Variants in MICU2 observed in about 807,000 individuals in gnomAD.
The protein encoded by MICU2 is mitochondrial calcium uptake 2, also known as calcium uptake protein 2, mitochondrial.
In MICU2, 64 loss-of-function variants were observed where a neutral mutation model predicts 60.4. That is an observed-to-expected ratio of 1.06 (90% confidence interval 0.87 to 1.31). The LOEUF (loss-of-function observed/expected upper bound fraction) is 1.31, where lower values mean the gene tolerates loss of function less well. Among genes scored for constraint, MICU2 ranks in the 50% most tolerant of loss-of-function variants. MICU2 has a pLI of 0.00. For synonymous variants in MICU2, 201 were observed against 175.0 expected, an observed-to-expected ratio of 1.15 and a Z score of -1.17; for missense variants, 569 against 531.0, an observed-to-expected ratio of 1.07 and a Z score of -0.70.
chr13:21,567,719 T>C (rs1181645573), intron 1 of MICU2, among the ~76,000 whole-genome samples: 1 of 152,196 alleles, frequency 6.6e-6, no homozygotes, highest in Non-Finnish European at 1.5e-5. Flanking sequence ...CAAAGAACTT[T>C]TTGTTGAGCA....
intron 6 of MICU2, among the ~76,000 whole-genome samples, chr13:21,515,143 A>T (rs1341103168): frequency 6.7e-6 from 1 of 149,636 alleles, no homozygotes; most frequent in Non-Finnish European, 1.5e-5. Context: ...GTGCAGTGGC[A>T]CGATCCCGGC....
At chr13:21,553,793 C>A (rs1403361822) in intron 2 of MICU2, among the ~76,000 whole-genome samples, 1 of 152,116 alleles carries the variant, frequency 6.6e-6, no homozygotes, top group Non-Finnish European at 1.5e-5. Context: ...ACCCGTCTCA[C>A]ATGCAGAGAC....
intron 6 of MICU2, 135 bp downstream of exon 6, chr13:21,521,110 T>G: frequency 1.4e-6 from 1 of 729,686 alleles, no homozygotes; most frequent in Non-Finnish European, 2.3e-6. Context: ...TTTAATATTT[T>G]TGAATGTCCA....
At chr13:21,501,748 C>T (rs1353600674) in intron 9 of MICU2, among the ~76,000 whole-genome samples, 1 of 152,136 alleles carries the variant, frequency 6.6e-6, no homozygotes, top group Non-Finnish European at 1.5e-5. Context: ...GTTTCCAGGC[C>T]AAAACATTTA....
At chr13:21,554,162 C>T (rs1442697192) in intron 2 of MICU2, among the ~76,000 whole-genome samples, 1 of 152,188 alleles carries the variant, frequency 6.6e-6, no homozygotes, top group East Asian at 1.9e-4. Flanking sequence ...GAATTGAACT[C>T]AGCTCTGCAC....
intron 9 of MICU2, among the ~76,000 whole-genome samples, chr13:21,501,504 T>C (rs146552027): frequency 0.024 from 3,671 of 152,246 alleles, 153 homozygotes; most frequent in African/African-American, 0.082. Flanking sequence ...CCTCATGATC[T>C]GCCCGCCTTG....
chr13:21,586,125 G>A (rs1326444817), intron 1 of MICU2, among the ~76,000 whole-genome samples: 1 of 152,080 alleles, frequency 6.6e-6, no homozygotes, highest in African/African-American at 2.4e-5. Context: ...CAGCTCTCAT[G>A]GTTCAGTTTC....
intron 6 of MICU2, among the ~76,000 whole-genome samples, chr13:21,514,949 A>G (rs112552972): frequency 3.9e-5 from 6 of 152,316 alleles, no homozygotes; most frequent in African/African-American, 1.4e-4. Context: ...TTCTACTAAG[A>G]AAGCTAGTTT....
intron 2 of MICU2, among the ~76,000 whole-genome samples, chr13:21,543,312 T>A (rs1322779617): frequency 6.6e-6 from 1 of 152,052 alleles, no homozygotes; most frequent in Non-Finnish European, 1.5e-5. Flanking sequence ...GAACTGGAAG[T>A]CCTAGTCAGA....
rs1888872016 is a variant in MICU2 at position 21,603,433 on chromosome 13, C to A, written c.210+506G>T. The A allele has an allele frequency of 3.9e-5, 6 of 155,202 alleles. No homozygotes were observed. In the South Asian group the frequency reaches 9.6e-4, roughly 25 times the overall value. The allele number at this position is 155,202 out of a possible 1,614,324, so 9.6% of individuals were successfully genotyped here. A position where few individuals can be genotyped will look rare whatever the true frequency, so the allele number is the denominator to read the frequency against. ...ATTTTTGTGGCTGACACATTCGTGA[C>A]TTAAAAAAGCAATCGACAGAACTTC... On this transcript the variant is annotated intron_variant, in intron 1 of 11. Coordinates refer to ENST00000382374, the MANE Select transcript of MICU2 (RefSeq NM_152726.3).
intron 2 of MICU2, among the ~76,000 whole-genome samples, chr13:21,557,117 GC>G (rs1000598848): frequency 1.8e-4 from 27 of 152,288 alleles, no homozygotes; most frequent in Non-Finnish European, 2.2e-4. Flanking sequence ...GAGACTAGAA[GC>G]TTTTATTAAA....
intron 4 of MICU2, chr13:21,531,207 T>G: frequency 1.0e-6 from 1 of 968,274 alleles, no homozygotes; most frequent in East Asian, 2.4e-5. Context: ...ATTAGAGTTA[T>G]GTGAGATCCT....
At chr13:21,526,729 A>G (rs1257833993) in intron 4 of MICU2, among the ~76,000 whole-genome samples, 17 of 152,204 alleles carry the variant, frequency 1.1e-4, no homozygotes, top group Admixed American at 1.1e-3. Context: ...TAAATGGGAA[A>G]GCTATTTAAG....
intron 1 of MICU2, among the ~76,000 whole-genome samples, chr13:21,597,883 A>T (rs994610628): frequency 3.5e-5 from 5 of 142,886 alleles, no homozygotes; most frequent in Non-Finnish European, 6.0e-5. Flanking sequence ...GTGAGTGGAG[A>T]TCACGCCACT....
chr13:21,547,754 G>T (rs1003495144), intron 2 of MICU2, among the ~76,000 whole-genome samples: 1 of 150,920 alleles, frequency 6.6e-6, no homozygotes, highest in African/African-American at 2.4e-5. Context: ...GAGGAACTGT[G>T]GATGGGGTAG....
intron 9 of MICU2, among the ~76,000 whole-genome samples, chr13:21,500,385 C>A (rs1886116218): frequency 6.7e-6 from 1 of 149,294 alleles, no homozygotes; most frequent in South Asian, 2.1e-4. Flanking sequence ...AAAAAAAAAT[C>A]TCAGACCGTT....
intron 1 of MICU2, among the ~76,000 whole-genome samples, chr13:21,583,887 G>C (rs1384884193): frequency 1.3e-5 from 2 of 152,152 alleles, no homozygotes; most frequent in Admixed American, 1.3e-4. Context: ...TTAATCTCCT[G>C]ACATTTAAGA....
rs924721236 is a variant in MICU2 at position 21,507,867 on chromosome 13, T to A, written c.761+2137A>T. On this transcript the variant is annotated intron_variant, in intron 8 of 11. Transcript: ENST00000382374. The stretch of plus-strand genomic sequence containing the variant: ...ATCTGCCCGCCTTGGCCTTCTAAAG[T>A]GCTGGGATACAGACATGAGCCACCG... 2.0e-5 allele frequency among the ~76,000 whole-genome samples: 3 copies of A among 151,846 alleles called. No individual in the cohort carries two copies. In the South Asian group the frequency reaches 6.2e-4, roughly 32 times the overall value.
At chr13:21,496,325 CCACA>C (rs1885996567) in intron 9 of MICU2, 165 bp from the exon 10 acceptor site, 7 of 574,142 alleles carry the variant, frequency 1.2e-5, no homozygotes, top group South Asian at 6.8e-5. Flanking sequence ...ACAGAAATGG[CCACA>C]CAAAGGGCAC....
Sources: gnomAD v4.1 joint callset for allele counts (sites outside exome capture counted in the v4.1 genomes callset) on GRCh38, gnomAD v4.1.1 for gene constraint, MANE v1.5 for transcripts, NCBI Gene and HGNC (gene_info 2026-07-23, HGNC 2026-07-21) for gene names.